GPAT2: variants seen among roughly 807,000 people sequenced by gnomAD.
GPAT2 encodes the protein 1-acylglycerol-3-phosphate O-acyltransferase GPAT2.
Under a neutral mutation model 71.0 loss-of-function variants are expected in GPAT2, and 51 were observed. The ratio of observed to expected loss-of-function variants is 0.72; its 90% confidence interval spans 0.57 to 0.91. The LOEUF is 0.91. Among genes scored for constraint, GPAT2 ranks in the 40% least tolerant of loss-of-function variants. The pLI, the probability that GPAT2 is intolerant of heterozygous loss-of-function variation, is 0.00. For synonymous variants in GPAT2, 222 were observed against 290.3 expected (o/e 0.76, Z 2.39); for missense variants, 511 against 666.0 (o/e 0.77, Z 2.56).
At position 96,024,334 on chromosome 2, in the gene GPAT2, C is replaced by T. The variant is rs747731546; in HGVS notation, c.1691G>A (p.Cys564Tyr). 4.4e-6 allele frequency: 7 copies of T among 1,589,338 alleles called. No individual in the cohort carries two copies. The highest frequency in any genetic ancestry group is 1.3e-5 in the African/African-American group (1 of 74,528). Residue 564 changes from cysteine to tyrosine, a missense_variant, in exon 16 of 22, where the codon TGT becomes TAT. Cys to Tyr is a radical substitution (Grantham distance 194). Transcript: ENST00000434632. ...GCCTGCCAGCAGCCCCCGCACTGCA[C>T]AGGCTGGGGGCGGAGGGTCCATTAT... is the stretch of plus-strand genomic sequence containing the variant. ...PVFLSEAVGA[C>Y]AVRGLLAGRV...
At chr2:96,025,183 A>G in intron 13 of GPAT2, 1 of 558,448 alleles carries the variant, frequency 1.8e-6, no homozygotes, top group Non-Finnish European at 3.2e-6. Context: ...CACCATCTCC[A>G]CCCAAAGCTA....
Position 96,024,856 on chromosome 2 carries a change from G to T in GPAT2, c.1358-13C>A. 6.2e-7 allele frequency: 1 copy of T among 1,611,956 alleles called. No individual in the cohort carries two copies. The highest frequency in any genetic ancestry group is 8.5e-7 in the Non-Finnish European group (1 of 1,179,684). ...CTCCCTACACTGGCTGGAGTGGGGC[G>T]GGGGGTGGAGATGCTGGTCAGGTTG... On this transcript the variant is annotated splice_polypyrimidine_tract_variant and intron_variant, in intron 13 of 21. Coordinates refer to ENST00000434632, the MANE Select transcript of GPAT2 (RefSeq NM_001321527.2).
chr2:96,025,066 G>C, intron 13 of GPAT2: 1 of 614,882 alleles, frequency 1.6e-6, no homozygotes, highest in East Asian at 2.7e-5. Context: ...TCAACCCACA[G>C]CCTCTACTAG....
In GPAT2 at chr2:96,034,244, ATC is replaced by A. The variant is rs1680897257; in HGVS notation, c.-61+607_-61+608del. The stretch of plus-strand genomic sequence containing the variant: ...GTAATGGAAAAAGCTGAGCTCTGGC[ATC>A]TCTGAGCACACACCCCACAGGGCTC... On this transcript the variant is annotated intron_variant, in intron 1 of 21. Transcript: ENST00000434632. Among the ~76,000 whole-genome samples the A allele has an allele frequency of 5.8e-5, 6 of 103,764 alleles. No individual in the cohort carries two copies. The South Asian group carries it at 2.6e-3, about 44-fold the overall frequency. The allele number at this position is 103,764 out of a possible 152,430, so 68.1% of individuals were successfully genotyped here.
In GPAT2 at chr2:96,024,721, C is replaced by A. The variant is rs752600506; in HGVS notation, c.1429-36G>T. The A allele has an allele frequency of 1.9e-6, 3 of 1,613,032 alleles. No individual in the cohort carries two copies. The Admixed American group carries it at 5.0e-5, about 27-fold the overall frequency. ...AGAGCAGGGCTAGGCAGCAGGGCCA[C>A]ACATCGCCACCCCCCCCACCGCCCA... On this transcript the variant is annotated intron_variant, in intron 14 of 21. Coordinates refer to ENST00000434632, the MANE Select transcript of GPAT2 (RefSeq NM_001321527.2).
intron 1 of GPAT2, among the ~76,000 whole-genome samples, chr2:96,034,063 A>G (rs1464287018): frequency 6.6e-6 from 1 of 150,650 alleles, no homozygotes; most frequent in African/African-American, 2.4e-5. Flanking sequence ...ATACACACAC[A>G]TATATACATA....
At chr2:96,030,154 CT>C (rs1680609264) in intron 6 of GPAT2, among the ~76,000 whole-genome samples, 1 of 133,674 alleles carries the variant, frequency 7.5e-6, no homozygotes, top group Non-Finnish European at 1.6e-5. Context: ...TTCCTTCCTC[CT>C]TGCAGCCGCG....
At position 96,024,454 on chromosome 2, in the gene GPAT2, G is replaced by C. The variant is rs767680204; in HGVS notation, c.1660C>G (p.Pro554Ala). The part of the protein sequence containing the change: ...HLAQLSAELL[P>A]VFLSEAVGAC... ...CCCACAGCCTCGCTCAGGAAGACGG[G>C]CAGCAGCTCAGCACTCAGTTGTGCC... Residue 554 changes from proline to alanine, a missense_variant, in exon 15 of 22, where the codon CCC (proline) becomes GCC (alanine). Physicochemically the swap from Pro to Ala is conservative, Grantham distance 27. This residue lies in a region of GPAT2 where 295 missense variants were observed against 305.5 expected (regional missense o/e 0.97). Transcript: ENST00000434632. 1.2e-6 allele frequency: 2 copies of C among 1,613,898 alleles called. No individual in the cohort carries two copies. The highest frequency in any genetic ancestry group is 1.7e-6 in the Non-Finnish European group (2 of 1,179,898).
At chr2:96,024,940 C>A in intron 13 of GPAT2, 97 bp from the exon 14 acceptor site, 2 of 1,361,356 alleles carry the variant, frequency 1.5e-6, no homozygotes, top group Middle Eastern at 2.5e-4. Context: ...CACATCCCAA[C>A]TCCACCCCAG....
In GPAT2 at chr2:96,030,547, TAGA is replaced by T. The variant is rs1480993069; in HGVS notation, c.357-16_357-14del. On this transcript the variant is annotated splice_polypyrimidine_tract_variant and intron_variant, in intron 5 of 21. Coordinates refer to ENST00000434632, the MANE Select transcript of GPAT2 (RefSeq NM_001321527.2). The stretch of plus-strand genomic sequence containing the variant: ...GAGGTTCTGCACCCTGTGAGGGGGT[TAGA>T]AGGAGTGCTATGAGGCTGCAGCAGG... The T allele has an allele frequency of 1.9e-5, 10 of 534,198 alleles. 2 individuals are homozygous for T. Among genetic ancestry groups the T allele is most frequent in the South Asian group, 1.5e-4 (8 of 52,420 alleles). The allele number at this position is 534,198 out of a possible 1,614,324, so 33.1% of individuals were successfully genotyped here.
chr2:96,022,929 G>A (rs767680264), intron 20 of GPAT2, 29 bp downstream of exon 20: 2 of 1,613,566 alleles, frequency 1.2e-6, no homozygotes, highest in African/African-American at 2.7e-5. Context: ...ACTGCCTGCA[G>A]GAGCCTGGGC....
intron 11 of GPAT2, 38 bp from the exon 12 acceptor site, chr2:96,026,050 C>T (rs1440397527): frequency 1.9e-6 from 3 of 1,608,986 alleles, no homozygotes; most frequent in African/African-American, 2.7e-5. Flanking sequence ...CTGCTCGGGC[C>T]CACCAGGAAA....
At position 96,026,179 on chromosome 2, in the gene GPAT2, A is replaced by G; in HGVS notation, c.1155+4T>C. The stretch of plus-strand genomic sequence containing the variant: ...CTCCCAGCCTTCCCCAGCTGGCTCC[A>G]TACCTGCAGGGAAAAGGGCTGAGCT... On this transcript the variant is annotated splice_donor_region_variant and intron_variant, in intron 11 of 21. Transcript: ENST00000434632. The G allele has an allele frequency of 3.1e-6, 5 of 1,602,888 alleles. No homozygotes were observed. The highest frequency in any genetic ancestry group is 4.3e-6 in the Non-Finnish European group (5 of 1,174,496).
Position 96,023,006 on chromosome 2 carries a change from G to A in GPAT2, c.2185C>T (p.Gln729Ter). 1 of 1,613,976 alleles carries A rather than the reference G, an allele frequency of 6.2e-7. No homozygotes were observed. Among genetic ancestry groups the A allele is most frequent in the Non-Finnish European group, 8.5e-7 (1 of 1,179,860 alleles). The change falls in exon 20 of 22, where the codon CAG becomes TAG. Residue 729 changes from glutamine (Q) to a stop codon, truncating the protein, a stop_gained. Coordinates refer to ENST00000434632, the MANE Select transcript of GPAT2 (RefSeq NM_001321527.2). LOFTEE classifies it high-confidence loss of function. ...LPDTELGYTEQLFQFLQATAQ... is the reference protein window; with the variant it reads ...LPDTELGYTE The stretch of plus-strand genomic sequence containing the variant: ...GTGGCCTGCAGGAACTGGAACAGCT[G>A]CTCTGTGTAGCCCAACTCTGCAGAA...
intron 20 of GPAT2, 104 bp downstream of exon 20, chr2:96,022,854 C>T (rs1558678696): frequency 6.2e-7 from 1 of 1,611,820 alleles, no homozygotes; most frequent in Non-Finnish European, 8.5e-7. Context: ...CTGTACTCTG[C>T]AGCCTGCCTT....
chr2:96,022,653 A>G lies in GPAT2; in HGVS notation c.2289+15T>C, dbSNP rs761457424. On this transcript the variant is annotated intron_variant, in intron 21 of 21. Coordinates refer to ENST00000434632, the MANE Select transcript of GPAT2 (RefSeq NM_001321527.2). ...GAGCAGGGGGACAGAAGATGGTGACAGTGGCTCCTCTCACCCCTAGGTCTC... is the reference window on the plus strand; with the variant it reads ...GAGCAGGGGGACAGAAGATGGTGACGGTGGCTCCTCTCACCCCTAGGTCTC... 3.1e-6 allele frequency: 5 copies of G among 1,613,562 alleles called. No individual in the cohort carries two copies. Among genetic ancestry groups the G allele is most frequent in the Middle Eastern group, 1.6e-4 (1 of 6,078 alleles).
chr2:96,024,580 G>A lies in GPAT2; in HGVS notation c.1534C>T (p.Gln512Ter). Reference sequence around the variant, plus strand: ...GCCCGCAGCAGGCTCAGTGAGTGCTGCAGCAGGCTCCGCAGCTGCCCAGAG... The same window carrying A: ...GCCCGCAGCAGGCTCAGTGAGTGCTACAGCAGGCTCCGCAGCTGCCCAGAG... ...GFSGQLRSLL[Q>*]HSLSLLRAHV... Residue 512 changes from glutamine (Q) to a stop codon, truncating the protein, a stop_gained, in exon 15 of 22, where the codon CAG becomes TAG. Transcript: ENST00000434632. LOFTEE classifies it high-confidence loss of function. 1.2e-6 allele frequency: 2 copies of A among 1,613,846 alleles called. No individual in the cohort carries two copies. The highest frequency in any genetic ancestry group is 1.7e-6 in the Non-Finnish European group (2 of 1,179,938).
At chr2:96,023,603 G>A in intron 17 of GPAT2, 163 bp from the exon 18 acceptor site, 1 of 746,512 alleles carries the variant, frequency 1.3e-6, no homozygotes, top group East Asian at 2.7e-5. Context: ...TGCAGAGTGA[G>A]AGGAAGTGAA....
chr2:96,022,357 GA>G, intron 21 of GPAT2, 82 bp from the exon 22 acceptor site: 1 of 1,450,764 alleles, frequency 6.9e-7, no homozygotes, highest in Non-Finnish European at 9.1e-7. Flanking sequence ...CTGTCCCCCA[GA>G]AACCTGCCTT....
Sources: gnomAD v4.1 joint callset for allele counts (sites outside exome capture counted in the v4.1 genomes callset) on GRCh38, gnomAD v4.1.1 for gene constraint, gnomAD v4.1.1 regional missense constraint, MANE v1.5 for transcripts, NCBI Gene and HGNC (gene_info 2026-07-23, HGNC 2026-07-21) for gene names.